MMP13: variants seen among roughly 807,000 people sequenced by gnomAD.
The protein encoded by MMP13 is matrix metallopeptidase 13, also known as collagenase 3.
MMP13 carries 45 observed loss-of-function variants against 52.1 expected under a neutral mutation model. The observed-to-expected ratio is 0.86, with a 90% CI of 0.68 to 1.11. MMP13 has a LOEUF of 1.11. MMP13 is among the 50% of genes least tolerant of loss of function. The pLI, the probability that MMP13 is intolerant of heterozygous loss-of-function variation, is 0.00. For synonymous variants in MMP13, 200 were observed against 204.4 expected (o/e 0.98, Z 0.18); for missense variants, 576 against 583.8 (o/e 0.99, Z 0.14).
intron 6 of MMP13, 86 bp downstream of exon 6, chr11:102,950,024 G>T: frequency 1.7e-6 from 2 of 1,152,870 alleles, no homozygotes; most frequent in Non-Finnish European, 2.6e-6. Context: ...GCCTTTGGAA[G>T]TCTGACAGGA....
At position 102,952,354 on chromosome 11, in the gene MMP13, G is replaced by A. The variant is rs1441203385; in HGVS notation, c.638-181C>T. Among the ~76,000 whole-genome samples, 1 of 152,064 alleles carries A rather than the reference G, an allele frequency of 6.6e-6. No homozygotes were observed. The highest frequency in any genetic ancestry group is 1.5e-5 in the Non-Finnish European group (1 of 68,004). ...TGCTTGAAGGAAGATTCAAAGTATT[G>A]ATTTAATCCTTATAAATAATTTAGT... On this transcript the variant is annotated intron_variant, in intron 4 of 9. Coordinates refer to ENST00000260302, the MANE Select transcript of MMP13 (RefSeq NM_002427.4). This position sits in a 1 kb window ranked among gnomAD's most constrained non-coding sequence, Gnocchi z 4.3.
intron 5 of MMP13, 117 bp downstream of exon 5, chr11:102,951,895 C>T (rs1452215390): frequency 2.0e-6 from 2 of 1,020,500 alleles, no homozygotes; most frequent in East Asian, 4.8e-5. Context: ...CTTTGTCATG[C>T]ATGCGCTTCA....
chr11:102,952,306 A>C lies in MMP13; in HGVS notation c.638-133T>G. On this transcript the variant is annotated intron_variant, in intron 4 of 9. Transcript: ENST00000260302. The surrounding 1 kb of genome is among the most constrained non-coding windows in gnomAD (Gnocchi z 4.3). Reference sequence around the variant, plus strand: ...TTCTTTTCTCTTTCTTCAGTCTCCTACTTTTTAAAATCAATATTCAGTTGC... The same window carrying C: ...TTCTTTTCTCTTTCTTCAGTCTCCTCCTTTTTAAAATCAATATTCAGTTGC... 1.1e-6 allele frequency: 1 copy of C among 943,392 alleles called. No individual in the cohort carries two copies. Among genetic ancestry groups the C allele is most frequent in the South Asian group, 1.5e-5 (1 of 68,666 alleles). The allele number at this position is 943,392 out of a possible 1,614,324, so 58.4% of individuals were successfully genotyped here.
In MMP13 at chr11:102,949,462, A is replaced by C. The variant is rs17860562; in HGVS notation, c.918-304T>G. On this transcript the variant is annotated intron_variant, in intron 6 of 9. Coordinates refer to ENST00000260302, the MANE Select transcript of MMP13 (RefSeq NM_002427.4). This position sits in a 1 kb window ranked among gnomAD's most constrained non-coding sequence, Gnocchi z 4.2. Reference sequence around the variant, plus strand: ...CCAGGGGCAAGCAAATGTGCCAGGCATTGTGTTGGCCTCCAGAGAGAAGAT... The same window carrying C: ...CCAGGGGCAAGCAAATGTGCCAGGCCTTGTGTTGGCCTCCAGAGAGAAGAT... Among the ~76,000 whole-genome samples, 873 of 152,270 alleles carry C rather than the reference A, an allele frequency of 5.7e-3. 11 individuals are homozygous for C. The highest frequency in any genetic ancestry group is 0.02 in the African/African-American group (828 of 41,558).
chr11:102,954,424 TA>T (rs750351800), intron 3 of MMP13, 33 bp downstream of exon 3: 1 of 1,603,622 alleles, frequency 6.2e-7, no homozygotes, highest in Non-Finnish European at 8.5e-7. Flanking sequence ...AATTAGAATA[TA>T]AAAATGTTTG....
At chr11:102,946,772 C>A (rs1324912897) in intron 8 of MMP13, among the ~76,000 whole-genome samples, 1 of 152,054 alleles carries the variant, frequency 6.6e-6, no homozygotes, top group African/African-American at 2.4e-5. Flanking sequence ...GAATGAAATG[C>A]GGTACCTGGT....
At position 102,949,089 on chromosome 11, in the gene MMP13, T is replaced by A; in HGVS notation, c.987A>T (p.Glu329Asp). The change falls in exon 7 of 10, where the codon GAA becomes GAT. Residue 329 changes from glutamate to aspartate, a missense_variant. Glu to Asp is a conservative substitution (Grantham distance 45, BLOSUM62 2). Coordinates refer to ENST00000260302, the MANE Select transcript of MMP13 (RefSeq NM_002427.4). The surrounding 1 kb of genome is among the most constrained non-coding windows in gnomAD (Gnocchi z 4.2). ...ELFLTKSFWP[E>D]LPNRIDAAYE... ...ATGCAGCATCAATACGGTTGGGAAG[T>A]TCTGGCCAAAATGATTTCGTTAAAA... 6.2e-7 allele frequency: 1 copy of A among 1,613,844 alleles called. No homozygotes were observed. The highest frequency in any genetic ancestry group is 2.2e-5 in the East Asian group (1 of 44,872).
chr11:102,943,655 C>T lies in MMP13; in HGVS notation c.*611G>A, dbSNP rs1230831713. The T allele has an allele frequency of 6.6e-6, 1 of 152,598 alleles. No homozygotes were observed. The highest frequency in any genetic ancestry group is 6.5e-5 in the Admixed American group (1 of 15,314). The allele number at this position is 152,598 out of a possible 1,614,324, so 9.5% of individuals were successfully genotyped here. A position where few individuals can be genotyped will look rare whatever the true frequency, so the allele number is the denominator to read the frequency against. ...GTGAAAATTAAACAGAATTCAAAGG[C>T]CACATCTACTATTCTTACCACTGCT... On this transcript the variant is annotated 3_prime_UTR_variant, in exon 10 of 10. Transcript: ENST00000260302.
rs1339997896 is a variant in MMP13, at chr11:102,949,105, T to G, written c.971A>C (p.Lys324Thr). Residue 324 changes from lysine (K) to threonine (T), a missense_variant, in exon 7 of 10, where the codon AAA becomes ACA. Physicochemically the swap from Lys to Thr is moderately conservative, Grantham distance 78. Coordinates refer to ENST00000260302, the MANE Select transcript of MMP13 (RefSeq NM_002427.4). This position sits in a 1 kb window ranked among gnomAD's most constrained non-coding sequence, Gnocchi z 4.2. Reference sequence around the variant, plus strand: ...GTTGGGAAGTTCTGGCCAAAATGATTTCGTTAAAAACAGCTCCGCATCAAC... The same window carrying G: ...GTTGGGAAGTTCTGGCCAAAATGATGTCGTTAAAAACAGCTCCGCATCAAC... ...QQVDAELFLT[K>T]SFWPELPNRI... 1.2e-6 allele frequency: 2 copies of G among 1,613,682 alleles called. No individual in the cohort carries two copies. Among genetic ancestry groups the G allele is most frequent in the Admixed American group, 3.3e-5 (2 of 59,962 alleles).
At chr11:102,945,234 ACT>A (rs1308617668) in intron 9 of MMP13, 2 of 731,608 alleles carry the variant, frequency 2.7e-6, no homozygotes, top group Non-Finnish European at 3.4e-6. Flanking sequence ...ACAGAGTGAG[ACT>A]CTGTCAAAAA....
rs1292597498 is a variant in MMP13 at position 102,954,606 on chromosome 11, T to C, written c.363A>G (p.Arg121=). ...TCATATCAGGGGTGTAATTCACAAT[T>C]CTATTTAACAGAGAAAGTTTCAATG... ...LKWSKMNLTY[R]IVNYTPDMTH... The change falls in exon 3 of 10, where the codon AGA becomes AGG. Residue 121 remains arginine (R), a splice_region_variant and synonymous_variant. Coordinates refer to ENST00000260302, the MANE Select transcript of MMP13 (RefSeq NM_002427.4). 6.2e-7 allele frequency: 1 copy of C among 1,613,146 alleles called. No individual in the cohort carries two copies. Among genetic ancestry groups the C allele is most frequent in the Non-Finnish European group, 8.5e-7 (1 of 1,179,454 alleles).
rs890551861 is a variant in MMP13 at position 102,955,278 on chromosome 11, T to C, written c.336A>G (p.Lys112=). The C allele has an allele frequency of 6.2e-7, 1 of 1,613,956 alleles. No individual in the cohort carries two copies. Among genetic ancestry groups the C allele is most frequent in the Non-Finnish European group, 8.5e-7 (1 of 1,179,836 alleles). Residue 112 remains lysine, a synonymous_variant, in exon 2 of 10, where the codon AAA becomes AAG. Transcript: ENST00000260302. This position sits in a 1 kb window ranked among gnomAD's most constrained non-coding sequence, Gnocchi z 4.9. Reference sequence around the variant, plus strand: ...TGTAGGTTAAATTCATTTTGGACCATTTAAGAGTTCGAGGGAAAACATTGT... The same window carrying C: ...TGTAGGTTAAATTCATTTTGGACCACTTAAGAGTTCGAGGGAAAACATTGT... ...GEYNVFPRTL[K]WSKMNLTYRI...
At chr11:102,954,110 G>A (rs771969242) in intron 4 of MMP13, 46 bp downstream of exon 4, 3 of 1,606,794 alleles carry the variant, frequency 1.9e-6, no homozygotes, top group African/African-American at 1.3e-5. Flanking sequence ...TGTGTTCACT[G>A]TCTAATCTAA....
chr11:102,945,684 C>T lies in MMP13; in HGVS notation c.1277G>A (p.Gly426Glu). The change falls in exon 9 of 10, where the codon GGA (glycine) becomes GAA (glutamate). Residue 426 changes from glycine to glutamate, a missense_variant. Gly to Glu is a moderately conservative substitution (Grantham distance 98). Transcript: ENST00000260302. ...YPRLIEEDFPGIGDKVDAVYE... is the reference protein window; with the variant it reads ...YPRLIEEDFPEIGDKVDAVYE... ...GACAGCATCTACTTTATCACCAATTCCTGGGAAGTCTTCTTCTATTAGTCT... is the reference window on the plus strand; with the variant it reads ...GACAGCATCTACTTTATCACCAATTTCTGGGAAGTCTTCTTCTATTAGTCT... 6.2e-7 allele frequency: 1 copy of T among 1,603,206 alleles called. No individual in the cohort carries two copies. Among genetic ancestry groups the T allele is most frequent in the East Asian group, 2.2e-5 (1 of 44,738 alleles).
chr11:102,945,746 A>T lies in MMP13; in HGVS notation c.1215T>A (p.Tyr405Ter). The T allele has an allele frequency of 6.5e-7, 1 of 1,531,064 alleles. No individual in the cohort carries two copies. Among genetic ancestry groups the T allele is most frequent in the African/African-American group, 1.4e-5 (1 of 73,276 alleles). 94.8% of individuals were successfully genotyped at this position (1,531,064 alleles called of 1,614,324 possible). A position where few individuals can be genotyped will look rare whatever the true frequency, so the allele number is the denominator to read the frequency against. ...LLFSGNQVWR[Y>*]DDTNHIMDKD... ...TATCCATAATATGGTTAGTATCATC[A>T]TATCTATTTAAAGAAAAAAAACTCC... The change falls in exon 9 of 10, where the codon TAT becomes TAA. Residue 405 changes from tyrosine (Y) to a stop codon, truncating the protein, a stop_gained. Coordinates refer to ENST00000260302, the MANE Select transcript of MMP13 (RefSeq NM_002427.4). LOFTEE classifies it high-confidence loss of function.
rs1555016849 is a variant in MMP13 at position 102,947,966 on chromosome 11, A to C, written c.1136T>G (p.Val379Gly). ...KISELGLPKE[V>G]KKISAAVHFE... The stretch of plus-strand genomic sequence containing the variant: ...GTGAACAGCTGCACTTATCTTCTTA[A>C]CTTCTTTTGGAAGACCCAGTTCAGA... The change falls in exon 8 of 10, where the codon GTT becomes GGT. Residue 379 changes from valine to glycine, a missense_variant. Val to Gly is a moderately radical substitution (Grantham distance 109). Transcript: ENST00000260302. The C allele has an allele frequency of 6.2e-7, 1 of 1,613,860 alleles. No individual in the cohort carries two copies.
In MMP13 at chr11:102,955,481, A is replaced by T; in HGVS notation, c.133T>A (p.Ser45Thr). 6.2e-7 allele frequency: 1 copy of T among 1,614,022 alleles called. No individual in the cohort carries two copies. Among genetic ancestry groups the T allele is most frequent in the Non-Finnish European group, 8.5e-7 (1 of 1,179,928 alleles). The change falls in exon 2 of 10, where the codon TCA (serine) becomes ACA (threonine). Residue 45 changes from serine (S) to threonine (T), a missense_variant. Ser to Thr is a moderately conservative substitution (Grantham distance 58). Coordinates refer to ENST00000260302, the MANE Select transcript of MMP13 (RefSeq NM_002427.4). This position sits in a 1 kb window ranked among gnomAD's most constrained non-coding sequence, Gnocchi z 4.9. ...GCGAGATTTGTAGGATGGTAGTATG[A>T]TCTCAGGTAGCGCTAGAAAAGACAC... The part of the protein sequence containing the change: ...DLQFAERYLR[S>T]YYHPTNLAGI...
intron 4 of MMP13, among the ~76,000 whole-genome samples, chr11:102,953,200 A>G (rs946324800): frequency 6.6e-6 from 1 of 152,178 alleles, no homozygotes; most frequent in Admixed American, 6.6e-5. Flanking sequence ...CAAACCCAGA[A>G]TTTATAAAGG....
At chr11:102,947,002 C>T (rs1171442416) in intron 8 of MMP13, among the ~76,000 whole-genome samples, 2 of 152,112 alleles carry the variant, frequency 1.3e-5, no homozygotes, top group African/African-American at 4.8e-5. Context: ...TGAATCTGGA[C>T]TCTTAAATGT....
Sources: gnomAD v4.1 joint callset for allele counts (sites outside exome capture counted in the v4.1 genomes callset) on GRCh38, gnomAD v4.1.1 for gene constraint, Gnocchi (gnomAD v3.1) non-coding constraint, MANE v1.5 for transcripts, NCBI Gene and HGNC (gene_info 2026-07-23, HGNC 2026-07-21) for gene names.